Variants in PDE1A observed in about 807,000 individuals in gnomAD.
PDE1A encodes phosphodiesterase 1A.
PDE1A carries 35 observed loss-of-function variants against 61.7 expected under a neutral mutation model. The ratio of observed to expected loss-of-function variants is 0.57; its 90% CI spans 0.43 to 0.75. The LOEUF (loss-of-function observed/expected upper bound fraction) is 0.75. Ranked by LOEUF, PDE1A falls within the 30% of genes least tolerant of loss-of-function variation. The pLI, the probability that PDE1A is intolerant of heterozygous loss-of-function variation, is 0.00. For missense variants in PDE1A, 597 were observed against 630.6 expected (o/e 0.95, Z 0.57); for synonymous variants, 232 against 213.2 (o/e 1.09, Z -0.77).
chr2:182,606,314 G>A, the PDE1A span, among the ~76,000 whole-genome samples: 2 of 152,290 alleles, frequency 1.3e-5, no homozygotes, highest in South Asian at 4.1e-4. Flanking sequence ...GAGTAGCCAG[G>A]ATTACAGGCA....
At chr2:182,215,632 A>G (rs1688101550) in intron 7 of PDE1A, among the ~76,000 whole-genome samples, 1 of 134,150 alleles carries the variant, frequency 7.5e-6, no homozygotes, top group African/African-American at 2.9e-5. Context: ...AGAATACTAC[A>G]AACACCTCTA....
the PDE1A span, among the ~76,000 whole-genome samples, chr2:182,683,372 C>T: frequency 1.3e-5 from 2 of 152,012 alleles, no homozygotes; most frequent in Non-Finnish European, 2.9e-5. Flanking sequence ...CCATCATGCC[C>T]GGCCAACAAC....
At chr2:182,524,638 A>G (rs1690743000), upstream of PDE1A, among the ~76,000 whole-genome samples, 3 of 152,116 alleles carry the variant, frequency 2.0e-5, no homozygotes, top group Admixed American at 2.0e-4. Context: ...ATAGCTTATT[A>G]TTTAAATCCT....
chr2:182,542,658 A>C, the PDE1A span, among the ~76,000 whole-genome samples: 1 of 152,170 alleles, frequency 6.6e-6, no homozygotes, highest in African/African-American at 2.4e-5. Context: ...TATTTAGGGA[A>C]TAGAAATCTC....
intron 1 of PDE1A, among the ~76,000 whole-genome samples, chr2:182,286,851 A>G (rs1402708284): frequency 1.3e-5 from 2 of 152,276 alleles, no homozygotes; most frequent in African/African-American, 2.4e-5. Flanking sequence ...CTAGCCATAC[A>G]TTAACCCAGT....
chr2:182,297,145 A>G (rs1264419343), intron 1 of PDE1A, among the ~76,000 whole-genome samples: 3 of 152,206 alleles, frequency 2.0e-5, no homozygotes, highest in Non-Finnish European at 4.4e-5. Context: ...ACACTGACTA[A>G]TATGATATAT....
chr2:182,595,678 C>T, the PDE1A span, among the ~76,000 whole-genome samples: 1 of 152,154 alleles, frequency 6.6e-6, no homozygotes, highest in East Asian at 1.9e-4. Context: ...TTTCCTTATA[C>T]AAATTGCTAT....
chr2:182,694,019 T>C, the PDE1A span, among the ~76,000 whole-genome samples: 1 of 152,200 alleles, frequency 6.6e-6, no homozygotes, highest in African/African-American at 2.4e-5. Context: ...TCTTCTTTGG[T>C]TGTTTCTATC....
At chr2:182,279,234 T>C (rs754723554) in intron 1 of PDE1A, among the ~76,000 whole-genome samples, 10 of 151,910 alleles carry the variant, frequency 6.6e-5, no homozygotes, top group African/African-American at 1.2e-4. Context: ...CGGTCTGTAG[T>C]AGGAGAAAAT....
chr2:182,476,349 G>T, intron 2 of PDE1A, among the ~76,000 whole-genome samples: 1 of 151,870 alleles, frequency 6.6e-6, no homozygotes, highest in South Asian at 2.1e-4. Context: ...AAATTAGCCA[G>T]GTGTGGTGGT....
At chr2:182,363,755 G>T (rs1250307252) in intron 1 of PDE1A, among the ~76,000 whole-genome samples, 1 of 152,074 alleles carries the variant, frequency 6.6e-6, no homozygotes, top group African/African-American at 2.4e-5. Context: ...CTATGGAGTG[G>T]TTTCATAAGG....
the PDE1A span, among the ~76,000 whole-genome samples, chr2:182,578,377 G>A: frequency 6.6e-6 from 1 of 151,780 alleles, no homozygotes; most frequent in African/African-American, 2.4e-5. Flanking sequence ...CCAAACATAG[G>A]AAACAAAATA....
intron 1 of PDE1A, among the ~76,000 whole-genome samples, chr2:182,307,074 A>T (rs1170422242): frequency 6.6e-6 from 1 of 152,232 alleles, no homozygotes; most frequent in Admixed American, 6.5e-5. Context: ...TATGTATAAT[A>T]TAAAAGGAAA....
intron 1 of PDE1A, among the ~76,000 whole-genome samples, chr2:182,285,608 G>A (rs1393459632): frequency 6.6e-6 from 1 of 152,086 alleles, no homozygotes; most frequent in Non-Finnish European, 1.5e-5. Context: ...TGTTGACTTT[G>A]ACAATATGAG....
At chr2:182,143,183 A>G (rs1690310422), downstream of PDE1A, 1 of 152,212 alleles carries the variant, frequency 6.6e-6, no homozygotes, top group Non-Finnish European at 1.5e-5. Flanking sequence ...TACTGTAGTT[A>G]AAAACCAATG....
At chr2:182,352,428 C>G (rs1005716633) in intron 1 of PDE1A, among the ~76,000 whole-genome samples, 1 of 152,058 alleles carries the variant, frequency 6.6e-6, no homozygotes, top group Admixed American at 6.6e-5. Context: ...ATCCATGATG[C>G]CTTAAAAGGC....
intron 1 of PDE1A, among the ~76,000 whole-genome samples, chr2:182,342,160 A>C (rs1489237906): frequency 6.6e-6 from 1 of 152,198 alleles, no homozygotes; most frequent in Non-Finnish European, 1.5e-5. Context: ...ATAACTATTA[A>C]ACAATCTTTT....
intron 1 of PDE1A, among the ~76,000 whole-genome samples, chr2:182,398,344 C>T (rs1245579063): frequency 6.6e-6 from 1 of 151,794 alleles, no homozygotes; most frequent in Non-Finnish European, 1.5e-5. Context: ...TTGACTCCTA[C>T]TGACATGAAA....
At chr2:182,532,969 A>AAAAAC in the PDE1A span, among the ~76,000 whole-genome samples, 2 of 148,542 alleles carry the variant, frequency 1.3e-5, no homozygotes, top group Non-Finnish European at 3.0e-5. Flanking sequence ...AAAAAAAAAA[A>AAAAAC]AAAACAATGA....
Sources: gnomAD v4.1 joint callset for allele counts (sites outside exome capture counted in the v4.1 genomes callset) on GRCh38, gnomAD v4.1.1 for gene constraint, MANE v1.5 for transcripts, NCBI Gene and HGNC (gene_info 2026-07-23, HGNC 2026-07-21) for gene names.